The following DYM variants were observed in gnomAD, a reference collection of about 807,000 sequenced individuals.
DYM encodes dyggve-Melchior-Clausen syndrome protein.
DYM carries 78 observed loss-of-function variants against 93.1 expected under a neutral mutation model. The observed-to-expected ratio is 0.84, with a 90% CI of 0.70 to 1.01. The LOEUF (loss-of-function observed/expected upper bound fraction) is 1.01. DYM is among the 50% of genes least tolerant of loss of function. DYM has a pLI of 0.00. For synonymous variants in DYM, 321 were observed against 319.7 expected (o/e 1.00, Z -0.04); for missense variants, 789 against 845.0 (o/e 0.93, Z 0.82).
intron 2 of DYM, among the ~76,000 whole-genome samples, chr18:49,423,595 G>A (rs147948412): frequency 0.091 from 13,870 of 152,084 alleles, 849 homozygotes; most frequent in East Asian, 0.31. Context: ...AAAAAAATCA[G>A]TGAATCCAGG....
rs540344549 is a variant in DYM at position 49,068,340 on chromosome 18, C to T, written c.2026-24136G>A. Among the ~76,000 whole-genome samples, 7 of 152,338 alleles carry T rather than the reference C, an allele frequency of 4.6e-5. No homozygotes were observed. The East Asian group carries it at 1.3e-3, about 29-fold the overall frequency. ...AGGGTTTCTCAAGTATCTCTTCTTTCTCCATTCTAACAACTAATGCTGAGA... is the reference window on the plus strand; with the variant it reads ...AGGGTTTCTCAAGTATCTCTTCTTTTTCCATTCTAACAACTAATGCTGAGA... On this transcript the variant is annotated intron_variant, in intron 17 of 17. Transcript: ENST00000675505.
intron 17 of DYM, among the ~76,000 whole-genome samples, chr18:49,058,477 G>C (rs995405806): frequency 6.6e-6 from 1 of 151,942 alleles, no homozygotes; most frequent in African/African-American, 2.4e-5. Flanking sequence ...GCACCACCAT[G>C]CCTGGCAAAT....
In DYM at chr18:49,118,851, G is replaced by C. The variant is rs753292217; in HGVS notation, c.1804C>G (p.Leu602Val). 26 of 1,613,992 alleles carry C rather than the reference G, an allele frequency of 1.6e-5. No homozygotes were observed. The highest frequency in any genetic ancestry group is 2.0e-5 in the Non-Finnish European group (24 of 1,179,990). Reference sequence around the variant, plus strand: ...TATACCAAGTTTGGGTTGTGGTGAAGGGAATTTGTCAGGCAGGAGTTGATG... The same window carrying C: ...TATACCAAGTTTGGGTTGTGGTGAACGGAATTTGTCAGGCAGGAGTTGATG... Reference protein sequence around the residue: ...EIINSCLTNSLHHNPNLVYAL... With the variant: ...EIINSCLTNSVHHNPNLVYAL... The change falls in exon 16 of 18, where the codon CTT (leucine) becomes GTT (valine). Residue 602 changes from leucine (L) to valine (V), a missense_variant. Coordinates refer to ENST00000675505, the MANE Select transcript of DYM (RefSeq NM_001353214.3).
intron 1 of DYM, among the ~76,000 whole-genome samples, chr18:49,438,880 G>A (rs566567551): frequency 1.3e-5 from 2 of 152,210 alleles, no homozygotes; most frequent in East Asian, 1.9e-4. Context: ...AAACACACAC[G>A]CACAATCGTC....
intron 14 of DYM, among the ~76,000 whole-genome samples, chr18:49,201,317 C>CT (rs965930329): frequency 2.1e-4 from 31 of 151,094 alleles, no homozygotes; most frequent in Non-Finnish European, 3.1e-4. Context: ...ACTTCAATTC[C>CT]TTTTTTTTTC....
chr18:49,173,125 G>A (rs2088960126), intron 14 of DYM, among the ~76,000 whole-genome samples: 1 of 151,790 alleles, frequency 6.6e-6, no homozygotes, highest in Non-Finnish European at 1.5e-5. Context: ...ATTTCATTGA[G>A]CATATATGCA....
chr18:49,300,059 CTATATATATAAATATATATATATATAAA>C (rs1414844190), intron 8 of DYM, among the ~76,000 whole-genome samples: 20 of 139,474 alleles, frequency 1.4e-4, no homozygotes, highest in South Asian at 4.4e-4. Flanking sequence ...AAAAAAAAAG[CTATATATATAAATATATATATATATAAA>C]TATATATATA....
At chr18:49,280,868 A>T (rs2094955055) in intron 10 of DYM, among the ~76,000 whole-genome samples, 1 of 152,234 alleles carries the variant, frequency 6.6e-6, no homozygotes, top group Non-Finnish European at 1.5e-5. Flanking sequence ...AACCTAGGCA[A>T]TACCATTCAG....
At chr18:49,235,958 T>G (rs931435877) in intron 13 of DYM, among the ~76,000 whole-genome samples, 2 of 152,230 alleles carry the variant, frequency 1.3e-5, no homozygotes, top group Non-Finnish European at 2.9e-5. Context: ...AATTCTCATT[T>G]TAATATGAAA....
Position 49,043,930 on chromosome 18 carries a change from C to A in DYM, c.*125G>T. The A allele has an allele frequency of 5.1e-6, 6 of 1,171,780 alleles. No individual in the cohort carries two copies. The highest frequency in any genetic ancestry group is 6.1e-6 in the Non-Finnish European group (5 of 815,932). 72.6% of individuals were successfully genotyped at this position (1,171,780 alleles called of 1,614,324 possible). A position where few individuals can be genotyped will look rare whatever the true frequency, so the allele number is the denominator to read the frequency against. On this transcript the variant is annotated 3_prime_UTR_variant, in exon 18 of 18. Coordinates refer to ENST00000675505, the MANE Select transcript of DYM (RefSeq NM_001353214.3). The stretch of plus-strand genomic sequence containing the variant: ...AATCAAAGTGTGTGAGGAAAACACA[C>A]TCGTGCAATCCTCTTTAACAGAAGA...
chr18:49,346,092 C>G (rs572890838), intron 6 of DYM, among the ~76,000 whole-genome samples: 2 of 152,068 alleles, frequency 1.3e-5, no homozygotes, highest in African/African-American at 4.8e-5. Flanking sequence ...AAGTTAAATA[C>G]AGAGTTACCA....
intron 5 of DYM, among the ~76,000 whole-genome samples, chr18:49,375,481 T>C (rs755880738): frequency 2.6e-5 from 4 of 152,064 alleles, no homozygotes; most frequent in Non-Finnish European, 4.4e-5. Context: ...TAATTCATAC[T>C]AACTCAAAAC....
At chr18:49,311,699 G>A (rs1599331642) in intron 8 of DYM, among the ~76,000 whole-genome samples, 2 of 143,798 alleles carry the variant, frequency 1.4e-5, no homozygotes, top group Middle Eastern at 7.2e-3. Context: ...GACACAGGGT[G>A]GGGAACATCA....
At chr18:49,432,024 G>A (rs186260293) in intron 1 of DYM, 1 of 152,228 alleles carries the variant, frequency 6.6e-6, no homozygotes, top group African/African-American at 2.4e-5. Flanking sequence ...CTAATCATAA[G>A]GTTTAATTTC....
chr18:49,093,010 GAGA>G (rs750896368), intron 17 of DYM, among the ~76,000 whole-genome samples: 20 of 152,328 alleles, frequency 1.3e-4, no homozygotes, highest in African/African-American at 3.1e-4. Context: ...GATTTTGGCT[GAGA>G]AGAAGGAGAG....
At chr18:49,285,964 G>A (rs1568171990) in intron 9 of DYM, among the ~76,000 whole-genome samples, 2 of 152,268 alleles carry the variant, frequency 1.3e-5, no homozygotes, top group South Asian at 2.1e-4. Flanking sequence ...AAACGGCAAG[G>A]CTAACAGACT....
At position 49,313,575 on chromosome 18, in the gene DYM, C is replaced by T. The variant is rs147983598; in HGVS notation, c.763+18289G>A. On this transcript the variant is annotated intron_variant, in intron 8 of 17. Transcript: ENST00000675505. ...TCTAAAAAGAGGCATGAATAATCCACCCCTTGTTTAGCATATCATCAAGAA... is the reference window on the plus strand; with the variant it reads ...TCTAAAAAGAGGCATGAATAATCCATCCCTTGTTTAGCATATCATCAAGAA... 8.2e-4 allele frequency among the ~76,000 whole-genome samples: 124 copies of T among 150,732 alleles called. 1 individual carries two copies. The East Asian group carries it at 0.023, about 28-fold the overall frequency.
At chr18:49,447,260 G>A (rs2082170231) in intron 1 of DYM, 1 of 152,174 alleles carries the variant, frequency 6.6e-6, no homozygotes, top group African/African-American at 2.4e-5. Context: ...AAGCATAAGA[G>A]ACCAGAAAGT....
chr18:49,396,095 C>A (rs752926062), intron 2 of DYM, among the ~76,000 whole-genome samples: 10 of 152,204 alleles, frequency 6.6e-5, no homozygotes, highest in Non-Finnish European at 1.0e-4. Flanking sequence ...TCACCTTCTG[C>A]CATGAGTGGA....
Sources: gnomAD v4.1 joint callset for allele counts (sites outside exome capture counted in the v4.1 genomes callset) on GRCh38, gnomAD v4.1.1 for gene constraint, MANE v1.5 for transcripts, NCBI Gene and HGNC (gene_info 2026-07-23, HGNC 2026-07-21) for gene names.